CSRNP3: variants seen among roughly 807,000 people sequenced by gnomAD.
CSRNP3 encodes cysteine/serine-rich nuclear protein 3.
In CSRNP3, 12 loss-of-function variants were observed where a neutral mutation model predicts 48.0. The ratio of observed to expected loss-of-function variants is 0.25; its 90% CI spans 0.16 to 0.41. The LOEUF (loss-of-function observed/expected upper bound fraction) is 0.41, where lower values mean the gene tolerates loss of function less well. Among genes scored for constraint, CSRNP3 ranks in the 10% least tolerant of loss-of-function variants. The pLI is 1.00. For synonymous variants in CSRNP3, 263 were observed against 269.7 expected (o/e 0.98, Z 0.24); for missense variants, 580 against 724.4 (o/e 0.80, Z 2.29).
chr2:165,565,832 C>T (rs1043217118), intron 3 of CSRNP3, among the ~76,000 whole-genome samples: 1 of 152,012 alleles, frequency 6.6e-6, no homozygotes, highest in Non-Finnish European at 1.5e-5. Context: ...TTAATCTGCA[C>T]AGAATACTTT....
At chr2:165,626,048 C>G (rs987210520) in intron 4 of CSRNP3, among the ~76,000 whole-genome samples, 3 of 151,634 alleles carry the variant, frequency 2.0e-5, no homozygotes, top group Non-Finnish European at 4.4e-5. Context: ...CCTGGTGAAA[C>G]CCTGTCTCTC....
chr2:165,470,282 GTTAT>G (rs1277837175), intron 1 of CSRNP3, among the ~76,000 whole-genome samples: 2 of 152,028 alleles, frequency 1.3e-5, no homozygotes, highest in Non-Finnish European at 2.9e-5. Context: ...TTTAAGCCCT[GTTAT>G]TTAACTTACT....
intron 4 of CSRNP3, among the ~76,000 whole-genome samples, chr2:165,628,551 C>G (rs1686477820): frequency 6.6e-6 from 1 of 151,940 alleles, no homozygotes; most frequent in Non-Finnish European, 1.5e-5. Flanking sequence ...TGGTGAAACC[C>G]CGTCTCTACT....
At chr2:165,641,578 A>G (rs1040142099) in intron 4 of CSRNP3, among the ~76,000 whole-genome samples, 1 of 152,104 alleles carries the variant, frequency 6.6e-6, no homozygotes, top group African/African-American at 2.4e-5. Flanking sequence ...CCTTTTTTCC[A>G]ACTCTAAAGA....
At chr2:165,482,365 G>A (rs1684059382) in intron 1 of CSRNP3, among the ~76,000 whole-genome samples, 1 of 151,672 alleles carries the variant, frequency 6.6e-6, no homozygotes, top group African/African-American at 2.4e-5. Flanking sequence ...CTGAGTCCAA[G>A]CGATTCTTGT....
At chr2:165,588,912 T>C (rs1340808786) in intron 3 of CSRNP3, among the ~76,000 whole-genome samples, 1 of 152,124 alleles carries the variant, frequency 6.6e-6, no homozygotes. Context: ...CAGTGAGCCA[T>C]GATCATGCCA....
intron 4 of CSRNP3, among the ~76,000 whole-genome samples, chr2:165,625,871 C>T (rs994750871): frequency 1.4e-5 from 2 of 143,384 alleles, no homozygotes; most frequent in Admixed American, 7.3e-5. Context: ...GCAGAGGTTG[C>T]AGTGAGCCGA....
At chr2:165,656,122 T>A (rs1686999984) in intron 4 of CSRNP3, among the ~76,000 whole-genome samples, 1 of 152,210 alleles carries the variant, frequency 6.6e-6, no homozygotes, top group Non-Finnish European at 1.5e-5. Flanking sequence ...TGTCCTTCCT[T>A]CCCCAGTGGG....
At chr2:165,515,334 A>ATACAT (rs1553471999) in intron 2 of CSRNP3, among the ~76,000 whole-genome samples, 11 of 119,022 alleles carry the variant, frequency 9.2e-5, no homozygotes, top group East Asian at 2.7e-4. Context: ...AAAAAAAAAA[A>ATACAT]ATACATATAT....
At chr2:165,503,116 G>A (rs1684379108) in intron 2 of CSRNP3, among the ~76,000 whole-genome samples, 1 of 151,712 alleles carries the variant, frequency 6.6e-6, no homozygotes, top group Non-Finnish European at 1.5e-5. Flanking sequence ...TATTTGTACT[G>A]TCAAATATAT....
At chr2:165,569,338 T>C (rs2105272981) in intron 3 of CSRNP3, among the ~76,000 whole-genome samples, 1 of 152,182 alleles carries the variant, frequency 6.6e-6, no homozygotes, top group African/African-American at 2.4e-5. Flanking sequence ...TTAGTAAATC[T>C]TTCTTCATGC....
At chr2:165,492,934 T>TAAAAAAAAAAAAAAA (rs374777311) in intron 1 of CSRNP3, among the ~76,000 whole-genome samples, 1 of 90,738 alleles carries the variant, frequency 1.1e-5, no homozygotes, top group Non-Finnish European at 2.3e-5. Flanking sequence ...TCAAATTCCC[T>TAAAAAAAAAAAAAAA]AAAAAAAAAA....
chr2:165,505,145 T>TCAAGA (rs775703544), intron 2 of CSRNP3, among the ~76,000 whole-genome samples: 2 of 152,138 alleles, frequency 1.3e-5, no homozygotes, highest in Non-Finnish European at 2.9e-5. Context: ...AAATGTTTCT[T>TCAAGA]GACAAGTAAG....
chr2:165,475,916 A>C (rs933791989), intron 1 of CSRNP3, among the ~76,000 whole-genome samples: 2 of 152,150 alleles, frequency 1.3e-5, no homozygotes, highest in Non-Finnish European at 2.9e-5. Context: ...GCTCTGTTTC[A>C]TTATAATACT....
rs1346111575 is a variant in CSRNP3 at position 165,490,885 on chromosome 2, G to A, written c.-282-3874G>A. ...AGGCATTACCATTCAGGACATAGGC[G>A]TGGGCAAGGACTTCATGTCCAAAAC... On this transcript the variant is annotated intron_variant, in intron 1 of 6. Transcript: ENST00000651982. Among the ~76,000 whole-genome samples, 21 of 130,416 alleles carry A rather than the reference G, an allele frequency of 1.6e-4. 2 individuals carry two copies. Among genetic ancestry groups the A allele is most frequent in the East Asian group, 2.6e-4 (1 of 3,812 alleles). 85.6% of individuals were successfully genotyped at this position (130,416 alleles called of 152,430 possible).
chr2:165,537,521 T>C (rs1165479471), intron 3 of CSRNP3, among the ~76,000 whole-genome samples: 1 of 151,266 alleles, frequency 6.6e-6, no homozygotes, highest in Non-Finnish European at 1.5e-5. Context: ...TCAATTAATG[T>C]GTCAGTTTTA....
At chr2:165,555,601 T>G (rs1189000830) in intron 3 of CSRNP3, among the ~76,000 whole-genome samples, 1 of 152,196 alleles carries the variant, frequency 6.6e-6, no homozygotes, top group Non-Finnish European at 1.5e-5. Context: ...ATCACTAACC[T>G]GACATACTTT....
intron 1 of CSRNP3, among the ~76,000 whole-genome samples, chr2:165,470,452 A>G (rs900544464): frequency 1.3e-5 from 2 of 152,140 alleles, no homozygotes; most frequent in African/African-American, 2.4e-5. Context: ...GAAAGATTAA[A>G]CATTGCTGTA....
chr2:165,614,964 G>C (rs933819415), intron 4 of CSRNP3, among the ~76,000 whole-genome samples: 4 of 152,158 alleles, frequency 2.6e-5, no homozygotes, highest in Non-Finnish European at 5.9e-5. Flanking sequence ...GTTAAGATTT[G>C]TTTTGTGGCC....
Sources: gnomAD v4.1 joint callset for allele counts (sites outside exome capture counted in the v4.1 genomes callset) on GRCh38, gnomAD v4.1.1 for gene constraint, MANE v1.5 for transcripts, NCBI Gene and HGNC (gene_info 2026-07-23, HGNC 2026-07-21) for gene names.